The following FBXL17 variants were observed in gnomAD, a reference collection of about 807,000 sequenced individuals.
The protein encoded by FBXL17 is F-box/LRR-repeat protein 17.
A neutral mutation model predicts 66.2 loss-of-function variants in FBXL17; 22 were observed. That is an observed-to-expected ratio of 0.33 (90% confidence interval 0.24 to 0.47). FBXL17 has a LOEUF of 0.47. FBXL17 is among the 20% of genes least tolerant of loss of function. The pLI is 1.00. For missense variants in FBXL17, 878 were observed against 948.2 expected, an observed-to-expected ratio of 0.93 and a Z score of 0.97; for synonymous variants, 474 against 400.5, an observed-to-expected ratio of 1.18 and a Z score of -2.19.
chr5:108,142,684 G>C (rs186347210), intron 6 of FBXL17, among the ~76,000 whole-genome samples: 7 of 152,262 alleles, frequency 4.6e-5, no homozygotes, highest in African/African-American at 1.7e-4. Flanking sequence ...TGAGAAGTTA[G>C]ACAGATTTCT....
intron 7 of FBXL17, among the ~76,000 whole-genome samples, chr5:107,931,607 T>C (rs1168745144): frequency 6.6e-6 from 1 of 152,066 alleles, no homozygotes; most frequent in Non-Finnish European, 1.5e-5. Context: ...CTTTATTGCA[T>C]AGCAGATTTA....
chr5:108,381,029 G>C lies in FBXL17; in HGVS notation c.663C>G (p.Gly221=), dbSNP rs943226618. The C allele has an allele frequency of 4.3e-5, 51 of 1,190,352 alleles. No individual in the cohort carries two copies. The highest frequency in any genetic ancestry group is 5.1e-5 in the Non-Finnish European group (49 of 961,990). 73.7% of individuals were successfully genotyped at this position (1,190,352 alleles called of 1,614,324 possible). A position where few individuals can be genotyped will look rare whatever the true frequency, so the allele number is the denominator to read the frequency against. ...KQPRCGGGGC[G]GGGGGGGGGG... The stretch of plus-strand genomic sequence containing the variant: ...CCCCGCCACCGCCGCCGCCGCCGCC[G>C]CCGCAGCCCCCGCCGCCGCAGCGGG... Residue 221 remains glycine (G), a synonymous_variant, in exon 1 of 9, where the codon GGC becomes GGG. Transcript: ENST00000542267.
chr5:108,334,153 T>A (rs1269055311), intron 4 of FBXL17, among the ~76,000 whole-genome samples: 1 of 152,094 alleles, frequency 6.6e-6, no homozygotes, highest in African/African-American at 2.4e-5. Flanking sequence ...TAATTAAGGT[T>A]AAAAAATAAA....
intron 4 of FBXL17, among the ~76,000 whole-genome samples, chr5:108,232,112 CCTT>C (rs1346686859): frequency 1.3e-5 from 2 of 152,176 alleles, no homozygotes; most frequent in African/African-American, 2.4e-5. Flanking sequence ...AGTATTTCCT[CCTT>C]CTTTTGTTAA....
At chr5:107,915,645 C>G (rs953118409) in intron 7 of FBXL17, among the ~76,000 whole-genome samples, 10 of 152,268 alleles carry the variant, frequency 6.6e-5, no homozygotes, top group East Asian at 5.8e-4. Flanking sequence ...ATTTTAGAAG[C>G]TGAATGTACC....
At chr5:108,211,069 CTTCT>C (rs1249109611) in intron 5 of FBXL17, among the ~76,000 whole-genome samples, 12 of 152,236 alleles carry the variant, frequency 7.9e-5, no homozygotes, top group African/African-American at 2.9e-4. Context: ...ATGCAATGCC[CTTCT>C]TTGTCTCTTT....
intron 6 of FBXL17, among the ~76,000 whole-genome samples, chr5:108,115,910 A>G (rs1056097345): frequency 6.6e-6 from 1 of 152,202 alleles, no homozygotes; most frequent in Non-Finnish European, 1.5e-5. Context: ...GATTAAAATG[A>G]GCTTGTCCAA....
At chr5:108,239,229 T>C (rs1755743981) in intron 4 of FBXL17, among the ~76,000 whole-genome samples, 1 of 152,184 alleles carries the variant, frequency 6.6e-6, no homozygotes, top group Admixed American at 6.5e-5. Context: ...AAAAAGCACC[T>C]TTTTAAGAAC....
chr5:107,999,555 T>G (rs1753633655), intron 7 of FBXL17, among the ~76,000 whole-genome samples: 1 of 150,742 alleles, frequency 6.6e-6, no homozygotes, highest in South Asian at 2.1e-4. Context: ...GCCTCCACAT[T>G]CCCAAAGCCC....
At chr5:108,079,059 G>A (rs1475523139) in intron 6 of FBXL17, among the ~76,000 whole-genome samples, 1 of 151,866 alleles carries the variant, frequency 6.6e-6, no homozygotes, top group Non-Finnish European at 1.5e-5. Context: ...ATGTGGTCCA[G>A]GCTGGTCTCA....
chr5:108,053,210 C>T (rs1282276378), intron 6 of FBXL17, among the ~76,000 whole-genome samples: 2 of 152,080 alleles, frequency 1.3e-5, no homozygotes, highest in East Asian at 3.8e-4. Context: ...TCTAATTAAA[C>T]TAAAGAGTAT....
intron 1 of FBXL17, among the ~76,000 whole-genome samples, chr5:108,372,724 C>A (rs1425588227): frequency 2.6e-5 from 4 of 152,140 alleles, no homozygotes; most frequent in African/African-American, 9.7e-5. Context: ...TAAACAAAAA[C>A]TGAGGAAGTT....
intron 8 of FBXL17, among the ~76,000 whole-genome samples, chr5:107,862,574 C>T (rs1270694229): frequency 2.0e-5 from 3 of 152,194 alleles, no homozygotes; most frequent in Non-Finnish European, 4.4e-5. Flanking sequence ...GTTCATATCA[C>T]AGAAGTAGAC....
intron 7 of FBXL17, among the ~76,000 whole-genome samples, chr5:107,923,587 G>C (rs569598758): frequency 1.4e-4 from 22 of 152,198 alleles, no homozygotes; most frequent in African/African-American, 4.8e-4. Context: ...ATGGTCAATG[G>C]CTCAGCATTC....
intron 3 of FBXL17, among the ~76,000 whole-genome samples, chr5:108,355,527 C>T (rs529919227): frequency 2.6e-5 from 4 of 152,056 alleles, no homozygotes; most frequent in Admixed American, 2.6e-4. Flanking sequence ...AGGTAAGCCA[C>T]CTGCCTCAGC....
chr5:108,200,913 C>T (rs185384526), intron 5 of FBXL17, among the ~76,000 whole-genome samples: 54 of 152,176 alleles, frequency 3.5e-4, no homozygotes, highest in African/African-American at 1.2e-3. Flanking sequence ...TATTACTGGG[C>T]AAGTGTGTCT....
chr5:107,934,035 A>G (rs1336275784), intron 7 of FBXL17, among the ~76,000 whole-genome samples: 1 of 152,104 alleles, frequency 6.6e-6, no homozygotes, highest in African/African-American at 2.4e-5. Context: ...TTTAAGCCCT[A>G]CCTGTCTTTT....
chr5:107,904,925 G>C (rs10072706), intron 7 of FBXL17, among the ~76,000 whole-genome samples: 19,401 of 151,840 alleles, frequency 0.13, 1,608 homozygotes, highest in African/African-American at 0.21. Context: ...CTCATTTCCA[G>C]GGGTGAAGCA....
At chr5:108,297,357 C>G (rs957778258) in intron 4 of FBXL17, among the ~76,000 whole-genome samples, 2 of 151,654 alleles carry the variant, frequency 1.3e-5, no homozygotes, top group South Asian at 4.1e-4. Flanking sequence ...ATATATAGAA[C>G]CTCAGTAATT....
Sources: allele counts gnomAD v4.1 joint callset (sites outside exome capture counted in the v4.1 genomes callset), GRCh38; gene constraint gnomAD v4.1.1; transcripts MANE v1.5; gene names NCBI Gene and HGNC (gene_info 2026-07-23, HGNC 2026-07-21).